Variants in ST6GAL1 observed in about 807,000 individuals in gnomAD.
ST6GAL1 encodes beta-galactoside alpha-2,6-sialyltransferase 1.
A neutral mutation model predicts 38.0 loss-of-function variants in ST6GAL1; 20 were observed. The ratio of observed to expected loss-of-function variants is 0.53; its 90% CI spans 0.37 to 0.77. The LOEUF (loss-of-function observed/expected upper bound fraction) is 0.77, where lower values mean the gene tolerates loss of function less well. ST6GAL1 is among the 30% of genes least tolerant of loss of function. The pLI is 0.00. For synonymous variants in ST6GAL1, 196 were observed against 188.2 expected (o/e 1.04, Z -0.34); for missense variants, 432 against 496.4 (o/e 0.87, Z 1.23).
At chr3:187,006,471 C>T (rs775582457) in intron 2 of ST6GAL1, 2 of 152,174 alleles carry the variant, frequency 1.3e-5, no homozygotes, top group Non-Finnish European at 2.9e-5. Flanking sequence ...TCCCCTTTTC[C>T]CTGCATAGGG....
At chr3:187,014,887 A>G (rs1043479272) in intron 2 of ST6GAL1, among the ~76,000 whole-genome samples, 1 of 152,200 alleles carries the variant, frequency 6.6e-6, no homozygotes, top group Non-Finnish European at 1.5e-5. Flanking sequence ...TGCTTGACAC[A>G]TGACAAAATC....
intron 2 of ST6GAL1, among the ~76,000 whole-genome samples, chr3:186,989,391 C>T (rs1157418953): frequency 6.6e-6 from 1 of 152,184 alleles, no homozygotes; most frequent in African/African-American, 2.4e-5. Flanking sequence ...ATTTTGCTCT[C>T]TGCAGACAGG....
intron 3 of ST6GAL1, among the ~76,000 whole-genome samples, chr3:187,042,153 C>T (rs182966104): frequency 3.3e-5 from 5 of 152,026 alleles, no homozygotes; most frequent in Non-Finnish European, 5.9e-5. Context: ...GGTGTTGGGC[C>T]ACTTACTATT....
At chr3:187,024,385 G>A (rs111610407) in intron 2 of ST6GAL1, among the ~76,000 whole-genome samples, 50 of 150,666 alleles carry the variant, frequency 3.3e-4, no homozygotes, top group South Asian at 1.0e-3. Context: ...GAGCCACCGC[G>A]CCCAGCCTAA....
intron 5 of ST6GAL1, among the ~76,000 whole-genome samples, chr3:187,056,262 T>G (rs1306667490): frequency 6.6e-6 from 1 of 152,210 alleles, no homozygotes; most frequent in Non-Finnish European, 1.5e-5. Flanking sequence ...CTATCCAATT[T>G]GCCAGCCTGT....
At chr3:187,052,756 A>C (rs1444566458) in intron 5 of ST6GAL1, among the ~76,000 whole-genome samples, 1 of 152,230 alleles carries the variant, frequency 6.6e-6, no homozygotes. Flanking sequence ...CACAATAAGC[A>C]TACGTGTGCA....
At chr3:186,989,775 A>G (rs2108544432) in intron 2 of ST6GAL1, among the ~76,000 whole-genome samples, 1 of 152,338 alleles carries the variant, frequency 6.6e-6, no homozygotes, top group Non-Finnish European at 1.5e-5. Flanking sequence ...AGCATTTACT[A>G]TTTGAAAAAT....
chr3:187,073,925 C>A (rs1719471816), intron 6 of ST6GAL1: 6 of 370,730 alleles, frequency 1.6e-5, no homozygotes, highest in Non-Finnish European at 1.9e-5. Flanking sequence ...TCTTGGGTCG[C>A]CAAGCTCAAC....
chr3:187,035,477 G>A (rs925166968), intron 2 of ST6GAL1, among the ~76,000 whole-genome samples: 1 of 152,108 alleles, frequency 6.6e-6, no homozygotes, highest in Admixed American at 6.6e-5. Context: ...CAAACTCAGA[G>A]GCATTCCAGT....
chr3:186,973,548 GTGTC>G (rs1192333820), intron 2 of ST6GAL1, among the ~76,000 whole-genome samples: 3 of 152,200 alleles, frequency 2.0e-5, no homozygotes, highest in Non-Finnish European at 4.4e-5. Flanking sequence ...CCCATCAGGG[GTGTC>G]TGGGAAAGAG....
At chr3:187,003,086 A>G (rs969031857) in intron 2 of ST6GAL1, among the ~76,000 whole-genome samples, 1 of 152,228 alleles carries the variant, frequency 6.6e-6, no homozygotes. Context: ...AACCAGGGAA[A>G]GCCAATGGCG....
chr3:186,937,439 C>T (rs781762481), intron 1 of ST6GAL1, among the ~76,000 whole-genome samples: 1 of 152,162 alleles, frequency 6.6e-6, no homozygotes, highest in Non-Finnish European at 1.5e-5. Flanking sequence ...GCCTTGAGTT[C>T]CAGTCTGCCC....
intron 2 of ST6GAL1, among the ~76,000 whole-genome samples, chr3:187,031,251 G>A (rs1170462203): frequency 6.6e-6 from 1 of 152,190 alleles, no homozygotes; most frequent in Non-Finnish European, 1.5e-5. Context: ...ACCACACTTT[G>A]CTGAAGAACT....
At chr3:187,055,408 T>A (rs1158481976) in intron 5 of ST6GAL1, among the ~76,000 whole-genome samples, 1 of 152,230 alleles carries the variant, frequency 6.6e-6, no homozygotes, top group Non-Finnish European at 1.5e-5. Flanking sequence ...AGGGTGTTGA[T>A]TTTAGATCTT....
chr3:187,020,296 A>AAAAC (rs111267127), intron 2 of ST6GAL1, among the ~76,000 whole-genome samples: 14,262 of 151,796 alleles, frequency 0.094, 888 homozygotes, highest in East Asian at 0.18. Flanking sequence ...CTCTGTCTCA[A>AAAAC]AAACAAACAA....
At chr3:187,068,822 A>G (rs1719262771) in intron 5 of ST6GAL1, among the ~76,000 whole-genome samples, 1 of 152,234 alleles carries the variant, frequency 6.6e-6, no homozygotes, top group Admixed American at 6.5e-5. Flanking sequence ...AAGCATAGCT[A>G]AAGAAAAGAC....
In ST6GAL1 at chr3:187,054,835, C is replaced by T. The variant is rs184109014; in HGVS notation, c.705+3489C>T. On this transcript the variant is annotated intron_variant, in intron 5 of 7. Transcript: ENST00000169298. ...CATAAAATGAATTAGGGAGGATTCC[C>T]TCTTTTTGTATTGATTGGAATAGTT... is the stretch of plus-strand genomic sequence containing the variant. Among the ~76,000 whole-genome samples the T allele has an allele frequency of 1.4e-3, 213 of 152,274 alleles. 3 individuals carry two copies. The highest frequency in any genetic ancestry group is 5.0e-3 in the African/African-American group (207 of 41,534).
intron 2 of ST6GAL1, chr3:186,974,906 A>G (rs1715473008): frequency 6.6e-6 from 1 of 152,162 alleles, no homozygotes; most frequent in Non-Finnish European, 1.5e-5. Context: ...TGTAACTCTT[A>G]TTGGAAGGCA....
chr3:187,043,598 A>G (rs1718202203), intron 4 of ST6GAL1: 1 of 212,440 alleles, frequency 4.7e-6, no homozygotes, highest in Non-Finnish European at 9.5e-6. Context: ...CGTGTATTCA[A>G]TGTGTAATGA....
Sources: gnomAD v4.1 joint callset for allele counts (sites outside exome capture counted in the v4.1 genomes callset) on GRCh38, gnomAD v4.1.1 for gene constraint, MANE v1.5 for transcripts, NCBI Gene and HGNC (gene_info 2026-07-23, HGNC 2026-07-21) for gene names.